The following UBE2D2 variants were observed in gnomAD, a reference collection of about 807,000 sequenced individuals.
UBE2D2 encodes the protein ubiquitin conjugating enzyme E2 D2, also known as ubiquitin-conjugating enzyme E2 D2.
UBE2D2 carries 2 observed loss-of-function variants against 24.2 expected under a neutral mutation model. That is an observed-to-expected ratio of 0.08 (90% CI 0.03 to 0.26). The LOEUF (loss-of-function observed/expected upper bound fraction) is 0.26. Ranked by LOEUF, UBE2D2 falls within the 10% of genes least tolerant of loss-of-function variation. The pLI, the probability that UBE2D2 is intolerant of heterozygous loss-of-function variation, is 1.00. For missense variants in UBE2D2, 44 were observed against 177.6 expected (o/e 0.25, Z 4.28); for synonymous variants, 58 against 56.5 (o/e 1.03, Z -0.12).
chr5:139,607,268 G>A (rs893065329), intron 2 of UBE2D2, among the ~76,000 whole-genome samples: 8 of 152,170 alleles, frequency 5.3e-5, no homozygotes, highest in Non-Finnish European at 1.0e-4. Context: ...TTCAACCAGT[G>A]TGACAAAATT....
At chr5:139,624,503 T>C (rs1429658345) in intron 6 of UBE2D2, among the ~76,000 whole-genome samples, 1 of 152,174 alleles carries the variant, frequency 6.6e-6, no homozygotes, top group African/African-American at 2.4e-5. Context: ...ATAGTTCTTT[T>C]AGGGCCGGGC....
At chr5:139,548,857 C>CTT (rs372755282) in intron 1 of UBE2D2, among the ~76,000 whole-genome samples, 2 of 143,894 alleles carry the variant, frequency 1.4e-5, no homozygotes, top group African/African-American at 5.1e-5. Flanking sequence ...TTTTTTTTTT[C>CTT]TTTTTTTTTT....
chr5:139,615,748 G>T (rs1732437968), intron 5 of UBE2D2, among the ~76,000 whole-genome samples: 1 of 150,250 alleles, frequency 6.7e-6, no homozygotes, highest in African/African-American at 2.5e-5. Flanking sequence ...TGTAGTTGTT[G>T]TCTTAATGTG....
At chr5:139,549,307 C>T (rs778185350) in intron 1 of UBE2D2, among the ~76,000 whole-genome samples, 10 of 152,168 alleles carry the variant, frequency 6.6e-5, no homozygotes, top group African/African-American at 9.7e-5. Flanking sequence ...TAGCTGAGGC[C>T]GGAGCCAGCT....
intron 2 of UBE2D2, 40 bp downstream of exon 2, chr5:139,600,475 G>A (rs1268080724): frequency 1.9e-6 from 3 of 1,602,412 alleles, no homozygotes; most frequent in Admixed American, 1.7e-5. Context: ...TAGCATAACA[G>A]TGGTTATTTT....
At chr5:139,536,006 C>T (rs1167171993) in intron 1 of UBE2D2, among the ~76,000 whole-genome samples, 2 of 152,008 alleles carry the variant, frequency 1.3e-5, no homozygotes, top group Admixed American at 1.3e-4. Flanking sequence ...GATCCTCCTG[C>T]CTCAGCCTCC....
intron 1 of UBE2D2, among the ~76,000 whole-genome samples, chr5:139,584,528 C>CTTTTT (rs1753677249): frequency 8.0e-6 from 1 of 125,086 alleles, no homozygotes; most frequent in African/African-American, 4.0e-5. Context: ...TTTTTCTTTT[C>CTTTTT]TTTTCTTTTT....
intron 1 of UBE2D2, among the ~76,000 whole-genome samples, chr5:139,588,739 C>G (rs919122743): frequency 6.6e-6 from 1 of 152,068 alleles, no homozygotes; most frequent in African/African-American, 2.4e-5. Context: ...TCACACAGAT[C>G]GTATTTTTAA....
intron 1 of UBE2D2, among the ~76,000 whole-genome samples, chr5:139,596,988 A>C (rs1753976362): frequency 6.6e-6 from 1 of 152,032 alleles, no homozygotes; most frequent in Non-Finnish European, 1.5e-5. Context: ...CGGAGCTTGC[A>C]GTGAGCCAAG....
At position 139,627,298 on chromosome 5, in the gene UBE2D2, C is replaced by A. The variant is rs1180202874; in HGVS notation, c.*497C>A. The A allele has an allele frequency of 6.5e-6, 1 of 154,508 alleles. No homozygotes were observed. The highest frequency in any genetic ancestry group is 1.4e-5 in the Non-Finnish European group (1 of 69,386). The allele number at this position is 154,508 out of a possible 1,614,324, so 9.6% of individuals were successfully genotyped here. Reference sequence around the variant, plus strand: ...GCTACGTCTTAGGTGAAAGTTATGACCAACCAGATTAAACTCTACCCACAT... The same window carrying A: ...GCTACGTCTTAGGTGAAAGTTATGAACAACCAGATTAAACTCTACCCACAT... On this transcript the variant is annotated 3_prime_UTR_variant, in exon 7 of 7. Transcript: ENST00000398733.
chr5:139,609,039 A>G (rs906750322), intron 2 of UBE2D2, among the ~76,000 whole-genome samples: 2 of 151,970 alleles, frequency 1.3e-5, no homozygotes. Flanking sequence ...GTGAGCAAAG[A>G]TCGCACCACT....
At chr5:139,532,826 G>T (rs993767399) in intron 1 of UBE2D2, among the ~76,000 whole-genome samples, 1 of 152,016 alleles carries the variant, frequency 6.6e-6, no homozygotes, top group Non-Finnish European at 1.5e-5. Flanking sequence ...ATGAACCTCA[G>T]CCAGGCACGG....
intron 1 of UBE2D2, among the ~76,000 whole-genome samples, chr5:139,562,774 T>G (rs907315021): frequency 6.6e-6 from 1 of 152,210 alleles, no homozygotes; most frequent in Non-Finnish European, 1.5e-5. Flanking sequence ...ACTATAAGAT[T>G]GGCTTAAAAT....
rs998318325 is a variant in UBE2D2, at chr5:139,614,040, C to T, written c.89-546C>T. Among the ~76,000 whole-genome samples, 6 of 127,950 alleles carry T rather than the reference C, an allele frequency of 4.7e-5. No individual in the cohort carries two copies. The East Asian group carries it at 6.6e-4, about 14-fold the overall frequency. 83.9% of individuals were successfully genotyped at this position (127,950 alleles called of 152,430 possible). On this transcript the variant is annotated intron_variant, in intron 2 of 6. Transcript: ENST00000398733. ...TTGCGCCAGCGCACTCCAGCCTGGG[C>T]GATAGAGTGAGACTCTGTCTCAAAA... is the stretch of plus-strand genomic sequence containing the variant.
chr5:139,561,952 C>G, intron 1 of UBE2D2, 137 bp downstream of exon 1: 1 of 1,236,002 alleles, frequency 8.1e-7, no homozygotes, highest in South Asian at 1.7e-5. Context: ...GGCCTCCATA[C>G]CCCACTCCCA....
rs113109249 is a variant in UBE2D2, at chr5:139,592,259, C to T, written c.25-8113C>T. 9.5e-4 allele frequency among the ~76,000 whole-genome samples: 144 copies of T among 152,192 alleles called. 3 individuals carry two copies. The Middle Eastern group carries it at 0.01, about 11-fold the overall frequency. On this transcript the variant is annotated intron_variant, in intron 1 of 6. Transcript: ENST00000398733. ...TGGAACACACCTTGGCCTTCTAAGT[C>T]TCATCTCTTTTTCCAGTTTGTGCCA...
At chr5:139,595,284 C>T (rs1753935995) in intron 1 of UBE2D2, among the ~76,000 whole-genome samples, 1 of 152,130 alleles carries the variant, frequency 6.6e-6, no homozygotes. Flanking sequence ...GATTCAACTT[C>T]AGTTTTCATC....
At chr5:139,615,041 G>T in intron 5 of UBE2D2, 75 bp downstream of exon 5, 2 of 1,342,888 alleles carry the variant, frequency 1.5e-6, no homozygotes, top group Non-Finnish European at 1.0e-6. Context: ...TTTTTGAAAA[G>T]ATTACTTATG....
chr5:139,620,370 C>T (rs1754493649), intron 5 of UBE2D2, among the ~76,000 whole-genome samples: 1 of 152,132 alleles, frequency 6.6e-6, no homozygotes, highest in Non-Finnish European at 1.5e-5. Context: ...TTAAAGTTGA[C>T]TTATTAGAAT....
Sources: gnomAD v4.1 joint callset for allele counts (sites outside exome capture counted in the v4.1 genomes callset) on GRCh38, gnomAD v4.1.1 for gene constraint, MANE v1.5 for transcripts, NCBI Gene and HGNC (gene_info 2026-07-23, HGNC 2026-07-21) for gene names.